SEPHS2: variants seen among roughly 807,000 people sequenced by gnomAD.
SEPHS2 encodes selenophosphate synthetase 2, also known as selenide, water dikinase 2.
In SEPHS2, 11 loss-of-function variants were observed where a neutral mutation model predicts 23.9. That is an observed-to-expected ratio of 0.46 (90% CI 0.29 to 0.76). The LOEUF (loss-of-function observed/expected upper bound fraction) is 0.76. SEPHS2 is among the 30% of genes least tolerant of loss of function. The pLI is 0.10. For missense variants in SEPHS2, 541 were observed against 592.5 expected (o/e 0.91, Z 0.90); for synonymous variants, 239 against 247.5 (o/e 0.97, Z 0.32).
Position 30,444,681 on chromosome 16 carries a change from C to A in SEPHS2, c.1047G>T (p.Lys349Asn). 1 of 1,609,636 alleles carries A rather than the reference C, an allele frequency of 6.2e-7. No homozygotes were observed. The change falls in exon 1 of 1, where the codon AAG becomes AAT. Residue 349 changes from lysine to asparagine, a missense_variant. Physicochemically the swap from Lys to Asn is moderately conservative, Grantham distance 94. This residue lies in a region of SEPHS2 where 224 missense variants were observed against 237.4 expected (regional missense o/e 0.94). Transcript: ENST00000478753. This position sits in a 1 kb window ranked among gnomAD's most constrained non-coding sequence, Gnocchi z 4.0. ...CACTGGCCTTGCTGACGGCAGCCATCTTGGCAATTATTGGCAGATTATGAA... is the reference window on the plus strand; with the variant it reads ...CACTGGCCTTGCTGACGGCAGCCATATTGGCAATTATTGGCAGATTATGAA... ...FVIHNLPIIA[K>N]MAAVSKASGR... is the part of the protein sequence containing the mutation.
At position 30,445,574 on chromosome 16, in the gene SEPHS2, T is replaced by A; in HGVS notation, c.154A>T (p.Thr52Ser). ...ALGLSPSWRL[T>S]GFSGMKGUGC... ...CAGCCCTTCATGCCGGAGAAGCCCG[T>A]CAGCCGCCAGCTCGGGCTGAGGCCC... The change falls in exon 1 of 1, where the codon ACG becomes TCG. Residue 52 changes from threonine to serine, a missense_variant. This residue lies in a region of SEPHS2 where 207 missense variants were observed against 182.2 expected (regional missense o/e 1.14). Coordinates refer to ENST00000478753, the MANE Select transcript of SEPHS2 (RefSeq NM_012248.4). 1 of 1,539,804 alleles carries A rather than the reference T, an allele frequency of 6.5e-7. No individual in the cohort carries two copies. Among genetic ancestry groups the A allele is most frequent in the Non-Finnish European group, 8.7e-7 (1 of 1,148,522 alleles).
rs1016901771 is a variant in SEPHS2, at chr16:30,445,643, C to G, written c.85G>C (p.Gly29Arg). The G allele has an allele frequency of 6.5e-7, 1 of 1,534,944 alleles. No individual in the cohort carries two copies. Among genetic ancestry groups the G allele is most frequent in the Non-Finnish European group, 8.7e-7 (1 of 1,146,076 alleles). ...GSSGPAGLTL[G>R]RSFSNYRPFE... Reference sequence around the variant, plus strand: ...GGCCGGTAGTTCGAGAAGCTCCGGCCCAGAGTCAAGCCCGCCGGGCCCGAG... The same window carrying G: ...GGCCGGTAGTTCGAGAAGCTCCGGCGCAGAGTCAAGCCCGCCGGGCCCGAG... Residue 29 changes from glycine to arginine, a missense_variant, in exon 1 of 1, where the codon GGC becomes CGC. Gly to Arg is a moderately radical substitution (Grantham distance 125). Coordinates refer to ENST00000478753, the MANE Select transcript of SEPHS2 (RefSeq NM_012248.4).
At position 30,445,724 on chromosome 16, in the gene SEPHS2, C is replaced by T. The variant is rs946601947; in HGVS notation, c.4G>A (p.Ala2Thr). Residue 2 changes from alanine to threonine, a missense_variant, in exon 1 of 1, where the codon GCG becomes ACG. Coordinates refer to ENST00000478753, the MANE Select transcript of SEPHS2 (RefSeq NM_012248.4). Reference protein sequence around the residue: MAEASATGACGE... With the variant: MTEASATGACGE... ...CAGGCGCCCGTCGCCGAGGCTTCCG[C>T]CATGGCGCCTGCCCGGCAGGGAAGC... 3.2e-6 allele frequency: 5 copies of T among 1,542,870 alleles called. No homozygotes were observed. Among genetic ancestry groups the T allele is most frequent in the Non-Finnish European group, 4.4e-6 (5 of 1,145,988 alleles).
rs2050268943 is a variant in SEPHS2, at chr16:30,444,526, G to T, written c.1202C>A (p.Ala401Glu). 1 of 1,613,744 alleles carries T rather than the reference G, an allele frequency of 6.2e-7. No homozygotes were observed. Among genetic ancestry groups the T allele is most frequent in the African/African-American group, 1.3e-5 (1 of 74,892 alleles). Reference sequence around the variant, plus strand: ...CTTTTCCACAATGCCAACGATCCACGCTTGGTGACCCTCTCCGTACTTGGA... The same window carrying T: ...CTTTTCCACAATGCCAACGATCCACTCTTGGTGACCCTCTCCGTACTTGGA... ...KSSKYGEGHQAWIVGIVEKGN... is the reference protein window; with the variant it reads ...KSSKYGEGHQEWIVGIVEKGN... The change falls in exon 1 of 1, where the codon GCG becomes GAG. Residue 401 changes from alanine to glutamate, a missense_variant. By Grantham distance (107) the Ala-to-Glu change is moderately radical. This residue lies in a region of SEPHS2 where 224 missense variants were observed against 237.4 expected (regional missense o/e 0.94). Coordinates refer to ENST00000478753, the MANE Select transcript of SEPHS2 (RefSeq NM_012248.4). This position sits in a 1 kb window ranked among gnomAD's most constrained non-coding sequence, Gnocchi z 4.0.
rs889699311 is a variant in SEPHS2, at chr16:30,445,507, G to A, written c.221C>T (p.Ala74Val). The change falls in exon 1 of 1, where the codon GCG becomes GTG. Residue 74 changes from alanine to valine, a missense_variant. Around this residue, in one of 3 missense-constraint regions of SEPHS2, gnomAD observed 207 missense variants for 182.2 expected, o/e 1.14. Coordinates refer to ENST00000478753, the MANE Select transcript of SEPHS2 (RefSeq NM_012248.4). ...CCGCACGTCCGGCCGCGTCAGTCCC[G>A]CCAGGAGTTTGAGCAGCGCCTCCTG... The part of the protein sequence containing the change: ...VPQEALLKLL[A>V]GLTRPDVRPP... 5.2e-6 allele frequency: 8 copies of A among 1,536,338 alleles called. No homozygotes were observed. Among genetic ancestry groups the A allele is most frequent in the African/African-American group, 1.4e-5 (1 of 73,136 alleles).
Position 30,445,639 on chromosome 16 carries a change from C to A in SEPHS2, c.89G>T (p.Arg30Leu). The change falls in exon 1 of 1, where the codon CGG becomes CTG. Residue 30 changes from arginine (R) to leucine (L), a missense_variant. Physicochemically the swap from Arg to Leu is moderately radical, Grantham distance 102. Around this residue, in one of 3 missense-constraint regions of SEPHS2, gnomAD observed 207 missense variants for 182.2 expected, o/e 1.14. Coordinates refer to ENST00000478753, the MANE Select transcript of SEPHS2 (RefSeq NM_012248.4). ...SSGPAGLTLG[R>L]SFSNYRPFEP... ...GAAGGGCCGGTAGTTCGAGAAGCTC[C>A]GGCCCAGAGTCAAGCCCGCCGGGCC... 6.5e-7 allele frequency: 1 copy of A among 1,534,398 alleles called. No homozygotes were observed. The highest frequency in any genetic ancestry group is 1.2e-5 in the South Asian group (1 of 84,018).
Position 30,445,354 on chromosome 16 carries a change from G to A in SEPHS2, c.374C>T (p.Pro125Leu). The change falls in exon 1 of 1, where the codon CCC becomes CTC. Residue 125 changes from proline (P) to leucine (L), a missense_variant. By Grantham distance (98) the Pro-to-Leu change is moderately conservative. Coordinates refer to ENST00000478753, the MANE Select transcript of SEPHS2 (RefSeq NM_012248.4). Reference sequence around the variant, plus strand: ...CAGTGACAGGCCCCCGTGCCTCAGGGGGATGACGCAGGAGTCCATCCCGAT... The same window carrying A: ...CAGTGACAGGCCCCCGTGCCTCAGGAGGATGACGCAGGAGTCCATCCCGAT... ...LGIGMDSCVI[P>L]LRHGGLSLVQ... 1 of 1,612,244 alleles carries A rather than the reference G, an allele frequency of 6.2e-7. No homozygotes were observed. The highest frequency in any genetic ancestry group is 8.5e-7 in the Non-Finnish European group (1 of 1,179,214).
At position 30,444,297 on chromosome 16, in the gene SEPHS2, G is replaced by C. The variant is rs781133336; in HGVS notation, c.*84C>G. 2 of 1,424,532 alleles carry C rather than the reference G, an allele frequency of 1.4e-6. No homozygotes were observed. Among genetic ancestry groups the C allele is most frequent in the Non-Finnish European group, 1.9e-6 (2 of 1,054,480 alleles). 88.2% of individuals were successfully genotyped at this position (1,424,532 alleles called of 1,614,324 possible). On this transcript the variant is annotated 3_prime_UTR_variant, in exon 1 of 1. Transcript: ENST00000478753. This position sits in a 1 kb window ranked among gnomAD's most constrained non-coding sequence, Gnocchi z 4.0. ...ACCACTATGCAGGCAGCCTTCTTTG[G>C]AAATTTCTTACAATCAACTCTTGAG...
chr16:30,445,370 C>T lies in SEPHS2; in HGVS notation c.358G>A (p.Asp120Asn), dbSNP rs1470868700. ...TGCCTCAGGGGGATGACGCAGGAGTCCATCCCGATGCCCAGGGCTGGAAAG... is the reference window on the plus strand; with the variant it reads ...TGCCTCAGGGGGATGACGCAGGAGTTCATCCCGATGCCCAGGGCTGGAAAG... ...PTFPALGIGM[D>N]SCVIPLRHGG... The change falls in exon 1 of 1, where the codon GAC becomes AAC. Residue 120 changes from aspartate (D) to asparagine (N), a missense_variant. Asp to Asn is a conservative substitution (Grantham distance 23, BLOSUM62 1). Transcript: ENST00000478753. 1 of 1,609,884 alleles carries T rather than the reference C, an allele frequency of 6.2e-7. No individual in the cohort carries two copies. Among genetic ancestry groups the T allele is most frequent in the Admixed American group, 1.7e-5 (1 of 59,620 alleles).
Position 30,445,792 on chromosome 16 carries a change from T to A in SEPHS2, c.-65A>T. On this transcript the variant is annotated 5_prime_UTR_variant, in exon 1 of 1. Transcript: ENST00000478753. ...CTTTTATTTTCCACTCAGATTAATA[T>A]GAAGCAAAAGTCAAATATTACCTGC... is the stretch of plus-strand genomic sequence containing the variant. 1 of 1,479,612 alleles carries A rather than the reference T, an allele frequency of 6.8e-7. No individual in the cohort carries two copies. The allele number at this position is 1,479,612 out of a possible 1,614,324, so 91.7% of individuals were successfully genotyped here. A position where few individuals can be genotyped will look rare whatever the true frequency, so the allele number is the denominator to read the frequency against.
rs374139007 is a variant in SEPHS2 at position 30,444,737 on chromosome 16, T to C, written c.991A>G (p.Lys331Glu). ...GILGHSQNLA[K>E]QQRNEVSFVI... ...AAGGACACTTCATTTCTTTGTTGTT[T>C]TGCAAGGTTCTGGGAGTGTCCTAGA... Residue 331 changes from lysine to glutamate, a missense_variant, in exon 1 of 1, where the codon AAA (lysine) becomes GAA (glutamate). Physicochemically the swap from Lys to Glu is moderately conservative, Grantham distance 56 (BLOSUM62 1). This residue lies in a region of SEPHS2 where 224 missense variants were observed against 237.4 expected (regional missense o/e 0.94). Coordinates refer to ENST00000478753, the MANE Select transcript of SEPHS2 (RefSeq NM_012248.4). This position sits in a 1 kb window ranked among gnomAD's most constrained non-coding sequence, Gnocchi z 4.0. 6.2e-5 allele frequency: 100 copies of C among 1,603,726 alleles called. No individual in the cohort carries two copies. Among genetic ancestry groups the C allele is most frequent in the Non-Finnish European group, 8.1e-5 (95 of 1,173,264 alleles).
chr16:30,445,762 G>A lies in SEPHS2; in HGVS notation c.-35C>T, dbSNP rs1056250484. The A allele has an allele frequency of 6.6e-7, 1 of 1,522,172 alleles. No individual in the cohort carries two copies. The highest frequency in any genetic ancestry group is 1.4e-5 in the African/African-American group (1 of 70,598). 94.3% of individuals were successfully genotyped at this position (1,522,172 alleles called of 1,614,324 possible). On this transcript the variant is annotated 5_prime_UTR_variant, in exon 1 of 1. Transcript: ENST00000478753. ...CCGGCAGGGAAGCGAGAGGAGAAGA[G>A]GGCCCTTTTATTTTCCACTCAGATT... is the stretch of plus-strand genomic sequence containing the variant.
rs761724807 is a variant in SEPHS2 at position 30,445,751 on chromosome 16, AGAG to A, written c.-27_-25del. The A allele has an allele frequency of 2.1e-5, 32 of 1,531,008 alleles. No individual in the cohort carries two copies. The highest frequency in any genetic ancestry group is 2.3e-4 in the Middle Eastern group (1 of 4,296). The allele number at this position is 1,531,008 out of a possible 1,614,324, so 94.8% of individuals were successfully genotyped here. A position where few individuals can be genotyped will look rare whatever the true frequency, so the allele number is the denominator to read the frequency against. ...ATGGCGCCTGCCCGGCAGGGAAGCG[AGAG>A]GAGAAGAGGGCCCTTTTATTTTCCA... On this transcript the variant is annotated 5_prime_UTR_variant, in exon 1 of 1. Transcript: ENST00000478753.
In SEPHS2 at chr16:30,444,737, T is replaced by G; in HGVS notation, c.991A>C (p.Lys331Gln). 1 of 1,603,844 alleles carries G rather than the reference T, an allele frequency of 6.2e-7. No homozygotes were observed. Among genetic ancestry groups the G allele is most frequent in the Non-Finnish European group, 8.5e-7 (1 of 1,173,256 alleles). ...GILGHSQNLA[K>Q]QQRNEVSFVI... ...AAGGACACTTCATTTCTTTGTTGTT[T>G]TGCAAGGTTCTGGGAGTGTCCTAGA... is the stretch of plus-strand genomic sequence containing the variant. The change falls in exon 1 of 1, where the codon AAA (lysine) becomes CAA (glutamine). Residue 331 changes from lysine (K) to glutamine (Q), a missense_variant. Physicochemically the swap from Lys to Gln is moderately conservative, Grantham distance 53 (BLOSUM62 1). Around this residue, in one of 3 missense-constraint regions of SEPHS2, gnomAD observed 224 missense variants for 237.4 expected, o/e 0.94. Coordinates refer to ENST00000478753, the MANE Select transcript of SEPHS2 (RefSeq NM_012248.4). The surrounding 1 kb of genome is among the most constrained non-coding windows in gnomAD (Gnocchi z 4.0).
rs1466808243 is a variant in SEPHS2, at chr16:30,444,879, C to T, written c.849G>A (p.Glu283=). ...NKVKMVVSRE[E]VELAYQEAMF... ...TGGCTTCCTGATAGGCCAGCTCCAC[C>T]TCTTCTCTGGAGACCACCATCTTTA... is the stretch of plus-strand genomic sequence containing the variant. The change falls in exon 1 of 1, where the codon GAG becomes GAA. Residue 283 remains glutamate, a synonymous_variant. Transcript: ENST00000478753. This position sits in a 1 kb window ranked among gnomAD's most constrained non-coding sequence, Gnocchi z 4.0. 1.2e-6 allele frequency: 2 copies of T among 1,614,064 alleles called. No individual in the cohort carries two copies. Among genetic ancestry groups the T allele is most frequent in the African/African-American group, 2.7e-5 (2 of 74,934 alleles).
chr16:30,445,557 C>A lies in SEPHS2; in HGVS notation c.171G>T (p.Met57Ile). ...PSWRLTGFSG[M>I]KGUGCKVPQE... Reference sequence around the variant, plus strand: ...GCGGGACCTTGCAGCCTCAGCCCTTCATGCCGGAGAAGCCCGTCAGCCGCC... The same window carrying A: ...GCGGGACCTTGCAGCCTCAGCCCTTAATGCCGGAGAAGCCCGTCAGCCGCC... The change falls in exon 1 of 1, where the codon ATG becomes ATT. Residue 57 changes from methionine (M) to isoleucine (I), a missense_variant. By Grantham distance (10) the Met-to-Ile change is conservative. Transcript: ENST00000478753. 2.0e-6 allele frequency: 3 copies of A among 1,537,762 alleles called. No homozygotes were observed. The highest frequency in any genetic ancestry group is 2.6e-6 in the Non-Finnish European group (3 of 1,147,712).
In SEPHS2 at chr16:30,444,702, A is replaced by G; in HGVS notation, c.1026T>C (p.His342=). 6.2e-7 allele frequency: 1 copy of G among 1,608,244 alleles called. No homozygotes were observed. The highest frequency in any genetic ancestry group is 8.5e-7 in the Non-Finnish European group (1 of 1,175,698). ...CCATCTTGGCAATTATTGGCAGATTATGAATAACAAAGGACACTTCATTTC... is the reference window on the plus strand; with the variant it reads ...CCATCTTGGCAATTATTGGCAGATTGTGAATAACAAAGGACACTTCATTTC... ...QQRNEVSFVI[H]NLPIIAKMAA... is the part of the protein sequence containing the mutation. The change falls in exon 1 of 1, where the codon CAT becomes CAC. Residue 342 remains histidine (H), a synonymous_variant. Transcript: ENST00000478753. This position sits in a 1 kb window ranked among gnomAD's most constrained non-coding sequence, Gnocchi z 4.0.
At position 30,445,449 on chromosome 16, in the gene SEPHS2, C is replaced by G. The variant is rs1229732501; in HGVS notation, c.279G>C (p.Gln93His). Reference sequence around the variant, plus strand: ...GGCCGGCTTCCTGGGACGCCTCTTCCTGGCCACCCACCAGGCCCCGGCCCA... The same window carrying G: ...GGCCGGCTTCCTGGGACGCCTCTTCGTGGCCACCCACCAGGCCCCGGCCCA... ...PPLGRGLVGG[Q>H]EEASQEAGLP... Residue 93 changes from glutamine (Q) to histidine (H), a missense_variant, in exon 1 of 1, where the codon CAG (glutamine) becomes CAC (histidine). Around this residue, in one of 3 missense-constraint regions of SEPHS2, gnomAD observed 207 missense variants for 182.2 expected, o/e 1.14. Transcript: ENST00000478753. 1 of 1,556,376 alleles carries G rather than the reference C, an allele frequency of 6.4e-7. No homozygotes were observed. Among genetic ancestry groups the G allele is most frequent in the Non-Finnish European group, 8.7e-7 (1 of 1,155,470 alleles).
chr16:30,445,514 G>A lies in SEPHS2; in HGVS notation c.214C>T (p.Leu72Phe). 2 of 1,536,040 alleles carry A rather than the reference G, an allele frequency of 1.3e-6. No homozygotes were observed. The highest frequency in any genetic ancestry group is 1.7e-6 in the Non-Finnish European group (2 of 1,146,916). Residue 72 changes from leucine to phenylalanine, a missense_variant, in exon 1 of 1, where the codon CTC becomes TTC. Around this residue, in one of 3 missense-constraint regions of SEPHS2, gnomAD observed 207 missense variants for 182.2 expected, o/e 1.14. Transcript: ENST00000478753. ...CKVPQEALLK[L>F]LAGLTRPDVR... ...TCCGGCCGCGTCAGTCCCGCCAGGA[G>A]TTTGAGCAGCGCCTCCTGCGGGACC...
Sources: gnomAD v4.1 joint callset for allele counts on GRCh38, gnomAD v4.1.1 for gene constraint, gnomAD v4.1.1 regional missense constraint, Gnocchi (gnomAD v3.1) non-coding constraint, MANE v1.5 for transcripts, NCBI Gene and HGNC (gene_info 2026-07-23, HGNC 2026-07-21) for gene names.